The following CRY1 variants were observed in gnomAD, a reference collection of about 807,000 sequenced individuals.
CRY1 encodes cryptochrome-1.
A neutral mutation model predicts 76.0 loss-of-function variants in CRY1; 45 were observed. The ratio of observed to expected loss-of-function variants is 0.59; its 90% CI spans 0.47 to 0.76. The LOEUF (loss-of-function observed/expected upper bound fraction) is 0.76, where lower values mean the gene tolerates loss of function less well. CRY1 is among the 30% of genes least tolerant of loss of function. The pLI is 0.00. For synonymous variants in CRY1, 248 were observed against 244.0 expected (o/e 1.02, Z -0.15); for missense variants, 587 against 716.4 (o/e 0.82, Z 2.06).
At chr12:107,083,261 G>A (rs566266560) in intron 1 of CRY1, among the ~76,000 whole-genome samples, 18 of 152,234 alleles carry the variant, frequency 1.2e-4, no homozygotes, top group Admixed American at 3.9e-4. Flanking sequence ...TCTACCAGAG[G>A]TACAAAGAGG....
chr12:107,084,280 TA>T (rs1439067468), intron 1 of CRY1, among the ~76,000 whole-genome samples: 5 of 152,178 alleles, frequency 3.3e-5, no homozygotes, highest in African/African-American at 1.2e-4. Context: ...GATTCAATGC[TA>T]TTCCCATCAA....
intron 3 of CRY1, among the ~76,000 whole-genome samples, chr12:107,003,364 T>C (rs1007447595): frequency 2.6e-5 from 4 of 152,198 alleles, no homozygotes; most frequent in Non-Finnish European, 4.4e-5. Flanking sequence ...TTGGCCTTAA[T>C]AAAAAATGAC....
chr12:107,045,081 T>C (rs1952835019), intron 1 of CRY1, among the ~76,000 whole-genome samples: 1 of 152,114 alleles, frequency 6.6e-6, no homozygotes, highest in African/African-American at 2.4e-5. Context: ...TACAGTCAAA[T>C]TGTCAAAAGT....
intron 1 of CRY1, among the ~76,000 whole-genome samples, chr12:107,068,059 T>C (rs2136889364): frequency 6.6e-6 from 1 of 152,304 alleles, no homozygotes; most frequent in South Asian, 2.1e-4. Context: ...CAGCCAACTA[T>C]GGGTCAAGCC....
intron 1 of CRY1, among the ~76,000 whole-genome samples, chr12:107,087,737 G>C (rs1953420267): frequency 6.6e-6 from 1 of 152,166 alleles, no homozygotes; most frequent in African/African-American, 2.4e-5. Context: ...CTTTGAAAGA[G>C]ATGATTATAT....
chr12:107,088,755 G>A (rs1269663741), intron 1 of CRY1, among the ~76,000 whole-genome samples: 1 of 152,226 alleles, frequency 6.6e-6, no homozygotes, highest in Non-Finnish European at 1.5e-5. Flanking sequence ...AGTGATGTGA[G>A]GAGCAACAGC....
rs73386629 is a variant in CRY1 at position 107,020,381 on chromosome 12, T to C, written c.267+1703A>G. Among the ~76,000 whole-genome samples the C allele has an allele frequency of 2.1e-3, 314 of 152,258 alleles. 5 individuals are homozygous for C. The highest frequency in any genetic ancestry group is 7.0e-3 in the African/African-American group (290 of 41,532). ...TTATAAAGTTTAATAGTAGTTGACA[T>C]GGTTTGGGATCTATGTCCTCACCCA... is the stretch of plus-strand genomic sequence containing the variant. On this transcript the variant is annotated intron_variant, in intron 2 of 12. Transcript: ENST00000008527.
intron 2 of CRY1, among the ~76,000 whole-genome samples, chr12:107,006,740 C>G (rs1175703268): frequency 6.7e-6 from 1 of 149,794 alleles, no homozygotes; most frequent in Non-Finnish European, 1.5e-5. Flanking sequence ...CAACCTCCAC[C>G]TCCCAGGTTC....
intron 2 of CRY1, among the ~76,000 whole-genome samples, chr12:107,007,065 A>T (rs1952384565): frequency 6.6e-6 from 1 of 152,232 alleles, no homozygotes. Context: ...GTTGACTTTG[A>T]GGAATAGAAT....
intron 2 of CRY1, among the ~76,000 whole-genome samples, chr12:107,014,201 T>C (rs1448443426): frequency 6.6e-6 from 1 of 152,226 alleles, no homozygotes; most frequent in Non-Finnish European, 1.5e-5. Flanking sequence ...ACCTGCTGGT[T>C]GGCTGAGAAA....
At chr12:107,064,239 A>G in intron 1 of CRY1, among the ~76,000 whole-genome samples, 1 of 152,244 alleles carries the variant, frequency 6.6e-6, no homozygotes, top group Non-Finnish European at 1.5e-5. Context: ...TATCCAGAAT[A>G]CATAAAGAAC....
intron 1 of CRY1, among the ~76,000 whole-genome samples, chr12:107,056,991 C>T (rs1197908065): frequency 1.3e-5 from 2 of 151,820 alleles, no homozygotes. Flanking sequence ...AAAAAAAATT[C>T]TAAATGATAT....
rs753357985 is a variant in CRY1 at position 107,005,193 on chromosome 12, T to C, written c.323A>G (p.Glu108Gly). The change falls in exon 3 of 13, where the codon GAA (glutamate) becomes GGA (glycine). Residue 108 changes from glutamate to glycine, a missense_variant. Physicochemically the swap from Glu to Gly is moderately conservative, Grantham distance 98 (BLOSUM62 -2). Coordinates refer to ENST00000008527, the MANE Select transcript of CRY1 (RefSeq NM_004075.5). ...IEYDSEPFGKERDAAIKKLAT... is the reference protein window; with the variant it reads ...IEYDSEPFGKGRDAAIKKLAT... ...CAGTTTCTTAATAGCTGCGTCTCGT[T>C]CCTTTCCAAAGGGCTCAGAATCATA... 1.2e-6 allele frequency: 2 copies of C among 1,613,650 alleles called. No individual in the cohort carries two copies. Among genetic ancestry groups the C allele is most frequent in the African/African-American group, 1.3e-5 (1 of 74,920 alleles).
chr12:107,055,749 C>T (rs1333789998), intron 1 of CRY1, among the ~76,000 whole-genome samples: 1 of 151,960 alleles, frequency 6.6e-6, no homozygotes, highest in Non-Finnish European at 1.5e-5. Context: ...ATTGCTCACA[C>T]CTGTAATCCC....
At chr12:107,059,686 CTA>C (rs994162390) in intron 1 of CRY1, among the ~76,000 whole-genome samples, 183 of 151,956 alleles carry the variant, frequency 1.2e-3, no homozygotes, top group Admixed American at 8.6e-3. Flanking sequence ...ATGATGTATA[CTA>C]TATCAACATA....
chr12:107,018,272 T>C (rs546779025), intron 2 of CRY1, among the ~76,000 whole-genome samples: 2 of 152,356 alleles, frequency 1.3e-5, no homozygotes, highest in African/African-American at 2.4e-5. Context: ...ACTTTAGCCA[T>C]GTGTCACTGT....
At chr12:107,003,388 C>T (rs1276434498) in intron 3 of CRY1, among the ~76,000 whole-genome samples, 4 of 152,204 alleles carry the variant, frequency 2.6e-5, no homozygotes, top group Non-Finnish European at 4.4e-5. Context: ...TGAAATCCAA[C>T]TCCATCATTT....
intron 10 of CRY1, among the ~76,000 whole-genome samples, chr12:106,996,450 A>G (rs1952235075): frequency 6.6e-6 from 1 of 152,216 alleles, no homozygotes; most frequent in Non-Finnish European, 1.5e-5. Flanking sequence ...ATGTATCTTT[A>G]TAACAGAATG....
At chr12:107,049,216 A>G (rs1200889989) in intron 1 of CRY1, among the ~76,000 whole-genome samples, 1 of 152,080 alleles carries the variant, frequency 6.6e-6, no homozygotes, top group Non-Finnish European at 1.5e-5. Flanking sequence ...TTTCCCTTTC[A>G]GCCCAACACA....
Sources: allele counts gnomAD v4.1 joint callset (sites outside exome capture counted in the v4.1 genomes callset), GRCh38; gene constraint gnomAD v4.1.1; transcripts MANE v1.5; gene names NCBI Gene and HGNC (gene_info 2026-07-23, HGNC 2026-07-21).